Variants in FYTTD1 observed in about 807,000 individuals in gnomAD.
The protein encoded by FYTTD1 is forty-two-three domain containing 1, also known as UAP56-interacting factor.
Under a neutral mutation model 40.9 loss-of-function variants are expected in FYTTD1, and 22 were observed. The observed-to-expected ratio is 0.54, with a 90% confidence interval of 0.38 to 0.77. The LOEUF (loss-of-function observed/expected upper bound fraction) is 0.77, where lower values mean the gene tolerates loss of function less well. FYTTD1 is among the 30% of genes least tolerant of loss of function. FYTTD1 has a pLI of 0.00. For missense variants in FYTTD1, 351 were observed against 392.2 expected (o/e 0.90, Z 0.89); for synonymous variants, 140 against 137.9 (o/e 1.01, Z -0.10).
In FYTTD1 at chr3:197,781,856, A is replaced by G. The variant is rs1730036725; in HGVS notation, c.904A>G (p.Arg302Gly). ...NERFGILKEQ[R>G]ATLTYNKGGS... is the part of the protein sequence containing the mutation. The stretch of plus-strand genomic sequence containing the variant: ...GCGGTTTGGGATCCTGAAGGAACAA[A>G]GAGCCACTCTCACATACAACAAAGG... The change falls in exon 9 of 9, where the codon AGA becomes GGA. Residue 302 changes from arginine (R) to glycine (G), a missense_variant. Coordinates refer to ENST00000241502, the MANE Select transcript of FYTTD1 (RefSeq NM_032288.7). The G allele has an allele frequency of 6.2e-7, 1 of 1,610,792 alleles. No homozygotes were observed. Among genetic ancestry groups the G allele is most frequent in the Non-Finnish European group, 8.5e-7 (1 of 1,177,836 alleles).
Position 197,749,970 on chromosome 3 carries a change from C to G in FYTTD1, c.-2C>G. ...CCCGCTCTCGGCGCGACGTCTCCAG[C>G]CATGAACCGGTTTGGTACCCGGTTG... On this transcript the variant is annotated 5_prime_UTR_variant, in exon 1 of 9. Transcript: ENST00000241502. 1 of 1,576,438 alleles carries G rather than the reference C, an allele frequency of 6.3e-7. No homozygotes were observed.
At chr3:197,768,046 T>C (rs1364965115) in intron 2 of FYTTD1, among the ~76,000 whole-genome samples, 1 of 152,208 alleles carries the variant, frequency 6.6e-6, no homozygotes, top group African/African-American at 2.4e-5. Context: ...TTATATAAAA[T>C]CATCAGTGAA....
At chr3:197,772,410 T>C (rs1729746071) in intron 4 of FYTTD1, among the ~76,000 whole-genome samples, 2 of 152,300 alleles carry the variant, frequency 1.3e-5, no homozygotes, top group South Asian at 4.1e-4. Context: ...ATTTTAATTT[T>C]TCGTACTTCA....
At chr3:197,764,742 T>G (rs1443432346) in intron 2 of FYTTD1, among the ~76,000 whole-genome samples, 1 of 147,220 alleles carries the variant, frequency 6.8e-6, no homozygotes, top group Non-Finnish European at 1.5e-5. Flanking sequence ...AGGCAACACC[T>G]TGGATAAGAG....
intron 4 of FYTTD1, among the ~76,000 whole-genome samples, chr3:197,771,905 C>T (rs1729731780): frequency 6.6e-6 from 1 of 151,568 alleles, no homozygotes; most frequent in East Asian, 1.9e-4. Flanking sequence ...ACCAGCCTGG[C>T]CAACATGGTG....
chr3:197,765,279 CT>C (rs1354331552), intron 2 of FYTTD1, among the ~76,000 whole-genome samples: 3 of 152,026 alleles, frequency 2.0e-5, no homozygotes, highest in Non-Finnish European at 4.4e-5. Context: ...TTAATCGTTT[CT>C]TTTTTGCCCT....
chr3:197,755,648 A>T (rs909760590), intron 1 of FYTTD1: 9 of 243,088 alleles, frequency 3.7e-5, no homozygotes, highest in Non-Finnish European at 6.9e-5. Context: ...TTATTTATTT[A>T]TTTATTTATT....
rs28696344 is a variant in FYTTD1, at chr3:197,773,493, C to T, written c.588C>T (p.Gly196=). The T allele has an allele frequency of 1.9e-3, 3,023 of 1,560,748 alleles. 40 individuals are homozygous for T. The African/African-American group carries it at 0.036, about 19-fold the overall frequency. The change falls in exon 5 of 9, where the codon GGC becomes GGT. Residue 196 remains glycine (G), a synonymous_variant. Transcript: ENST00000241502. The part of the protein sequence containing the change: ...TRQATFLFRR[G]LKVQAQLNTE... ...AGGCAACTTTTCTTTTCAGAAGAGG[C>T]CTGAAGGTATTTAAAAACTTTGGCA...
chr3:197,763,478 T>C, intron 2 of FYTTD1: 1 of 429,694 alleles, frequency 2.3e-6, no homozygotes, highest in Non-Finnish European at 4.6e-6. Flanking sequence ...ACAAAAACTT[T>C]GGAGTCCTCA....
At chr3:197,751,605 C>A (rs1195722476) in intron 1 of FYTTD1, among the ~76,000 whole-genome samples, 1 of 152,156 alleles carries the variant, frequency 6.6e-6, no homozygotes, top group Non-Finnish European at 1.5e-5. Context: ...GCACTCCAGC[C>A]TGGGCGGCAG....
In FYTTD1 at chr3:197,770,230, C is replaced by A. The variant is rs1327581315; in HGVS notation, c.483C>A (p.Ser161Arg). 5.6e-6 allele frequency: 9 copies of A among 1,605,134 alleles called. No homozygotes were observed. Among genetic ancestry groups the A allele is most frequent in the South Asian group, 3.3e-5 (3 of 90,014 alleles). ...RKPVAVLKRP[S>R]QLSRKNNIPA... ...CAGTAGCAGTTCTCAAGAGACCTAG[C>A]CAGCTAAGCAGAAAGTAAGTGCTCA... is the stretch of plus-strand genomic sequence containing the variant. Residue 161 changes from serine (S) to arginine (R), a missense_variant, in exon 4 of 9, where the codon AGC becomes AGA. Physicochemically the swap from Ser to Arg is moderately radical, Grantham distance 110. Coordinates refer to ENST00000241502, the MANE Select transcript of FYTTD1 (RefSeq NM_032288.7).
chr3:197,759,843 A>G (rs1387128381), intron 2 of FYTTD1, among the ~76,000 whole-genome samples: 5 of 146,138 alleles, frequency 3.4e-5, no homozygotes, highest in Non-Finnish European at 7.4e-5. Flanking sequence ...GAACGTATAG[A>G]GTGTTCTTCA....
upstream of FYTTD1, chr3:197,749,665 G>C: frequency 1.3e-6 from 1 of 748,818 alleles, no homozygotes; most frequent in South Asian, 1.4e-5. Flanking sequence ...CCGCGGTCTA[G>C]CATCCCCCAG....
At position 197,774,973 on chromosome 3, in the gene FYTTD1, T is replaced by G. The variant is rs567010121; in HGVS notation, c.656+763T>G. 7.2e-5 allele frequency among the ~76,000 whole-genome samples: 11 copies of G among 152,378 alleles called. No homozygotes were observed. In the South Asian group the frequency reaches 1.2e-3, roughly 17 times the overall value. ...TTTGTTAATTTTCCCCAAAAACCTT[T>G]TGAGTTTTCATGTGTCGATATTGTA... On this transcript the variant is annotated intron_variant, in intron 6 of 8. Coordinates refer to ENST00000241502, the MANE Select transcript of FYTTD1 (RefSeq NM_032288.7).
chr3:197,759,657 T>C lies in FYTTD1; in HGVS notation c.235+3100T>C, dbSNP rs572722601. Reference sequence around the variant, plus strand: ...AGTGGTAGAACGTATAGAGTTGTTCTTCAGTGGTAGAACGTATAGAGTTGT... The same window carrying C: ...AGTGGTAGAACGTATAGAGTTGTTCCTCAGTGGTAGAACGTATAGAGTTGT... On this transcript the variant is annotated intron_variant, in intron 2 of 8. Transcript: ENST00000241502. Among the ~76,000 whole-genome samples the C allele has an allele frequency of 1.3e-3, 186 of 146,068 alleles. 10 individuals carry two copies. The highest frequency in any genetic ancestry group is 3.6e-3 in the Middle Eastern group (1 of 274).
At chr3:197,768,165 T>C (rs2109046677) in intron 2 of FYTTD1, among the ~76,000 whole-genome samples, 1 of 152,350 alleles carries the variant, frequency 6.6e-6, no homozygotes, top group African/African-American at 2.4e-5. Flanking sequence ...CTCGACAGAC[T>C]GTCCTGTTTG....
At chr3:197,778,798 T>C (rs947050315) in intron 8 of FYTTD1, among the ~76,000 whole-genome samples, 1 of 152,206 alleles carries the variant, frequency 6.6e-6, no homozygotes, top group African/African-American at 2.4e-5. Flanking sequence ...TGGATGGGTA[T>C]TTGGGGTGTT....
rs1730121869 is a variant in FYTTD1, at chr3:197,784,902, G to C, written c.*2993G>C. On this transcript the variant is annotated 3_prime_UTR_variant, in exon 9 of 9. Coordinates refer to ENST00000241502, the MANE Select transcript of FYTTD1 (RefSeq NM_032288.7). ...CCTCCTTTTTACACCTTAGTAAAGT[G>C]AGTCCTAGTGTTTTCAAGACTTGCA... 1 of 152,302 alleles carries C rather than the reference G, an allele frequency of 6.6e-6. No homozygotes were observed. The allele number at this position is 152,302 out of a possible 1,614,324, so 9.4% of individuals were successfully genotyped here.
chr3:197,752,563 GTATGTATA>G (rs1203948463), intron 1 of FYTTD1, among the ~76,000 whole-genome samples: 1 of 151,800 alleles, frequency 6.6e-6, no homozygotes, highest in Non-Finnish European at 1.5e-5. Context: ...CTGTATGTGT[GTATGTATA>G]TATGGCTTTA....
Sources: gnomAD v4.1 joint callset for allele counts (sites outside exome capture counted in the v4.1 genomes callset) on GRCh38, gnomAD v4.1.1 for gene constraint, MANE v1.5 for transcripts, NCBI Gene and HGNC (gene_info 2026-07-23, HGNC 2026-07-21) for gene names.